Variants in TET3 observed in about 807,000 individuals in gnomAD.
TET3 encodes tet methylcytosine dioxygenase 3.
A neutral mutation model predicts 141.4 loss-of-function variants in TET3; 19 were observed. The observed-to-expected ratio is 0.13, with a 90% CI of 0.09 to 0.20. The LOEUF is 0.20. Among genes scored for constraint, TET3 ranks in the 10% least tolerant of loss-of-function variants. The pLI is 1.00. For synonymous variants in TET3, 1,043 were observed against 980.9 expected, an observed-to-expected ratio of 1.06 and a Z score of -1.18; for missense variants, 1,874 against 2,356.9, an observed-to-expected ratio of 0.80 and a Z score of 4.24.
chr2:73,996,176 G>T (rs914759157), intron 2 of TET3, among the ~76,000 whole-genome samples: 1 of 152,164 alleles, frequency 6.6e-6, no homozygotes, highest in African/African-American at 2.4e-5. Context: ...TGACTGGGCG[G>T]GCCGGAAGAC....
rs780701277 is a variant in TET3, at chr2:74,046,477, G to T, written c.560G>T (p.Gly187Val). 1.9e-6 allele frequency: 3 copies of T among 1,613,336 alleles called. No individual in the cohort carries two copies. The Admixed American group carries it at 5.0e-5, about 27-fold the overall frequency. The change falls in exon 4 of 12, where the codon GGC becomes GTC. Residue 187 changes from glycine to valine, a missense_variant. This residue lies in a region of TET3 where 366 missense variants were observed against 487.0 expected (regional missense o/e 0.75). Coordinates refer to ENST00000409262, the MANE Select transcript of TET3 (RefSeq NM_001287491.2). This position sits in a 1 kb window ranked among gnomAD's most constrained non-coding sequence, Gnocchi z 4.3. ...AAGCCCGACTGGGAGGCTGCCCCAG[G>T]CCCAGCTCATACTGCTCGCCTGGAA... ...DQKPDWEAAP[G>V]PAHTARLEDA...
intron 4 of TET3, among the ~76,000 whole-genome samples, chr2:74,066,821 C>G (rs1030970203): frequency 5.9e-5 from 9 of 152,106 alleles, no homozygotes; most frequent in Non-Finnish European, 2.9e-5. Flanking sequence ...TTGAAAATTT[C>G]CTTTCTCTGT....
At chr2:74,114,369 G>T in the TET3 span, among the ~76,000 whole-genome samples, 517 of 152,064 alleles carry the variant, frequency 3.4e-3, no homozygotes, top group African/African-American at 0.012. Flanking sequence ...ACACAGCTTG[G>T]GTGATAGGTG....
chr2:74,036,650 A>T (rs1687077477), intron 3 of TET3, among the ~76,000 whole-genome samples: 1 of 152,132 alleles, frequency 6.6e-6, no homozygotes, highest in African/African-American at 2.4e-5. Context: ...TCTGATCTCC[A>T]CCTTGGAGGA....
downstream of TET3, among the ~76,000 whole-genome samples, chr2:74,110,355 A>G (rs1691671877): frequency 6.6e-6 from 1 of 152,182 alleles, no homozygotes; most frequent in Non-Finnish European, 1.5e-5. Context: ...CTTGGTCAGC[A>G]ACTTTGTTGT....
At chr2:74,115,704 G>A in the TET3 span, among the ~76,000 whole-genome samples, 1 of 152,022 alleles carries the variant, frequency 6.6e-6, no homozygotes, top group Non-Finnish European at 1.5e-5. Flanking sequence ...AAAATAAATA[G>A]ATAAGCAAAC....
chr2:74,132,128 C>T, the TET3 span, among the ~76,000 whole-genome samples: 2 of 152,144 alleles, frequency 1.3e-5, no homozygotes, highest in Non-Finnish European at 2.9e-5. Flanking sequence ...CCCAGCCCTT[C>T]TTTGAAGAAT....
At chr2:74,017,587 A>G (rs1320898827) in intron 3 of TET3, among the ~76,000 whole-genome samples, 4 of 151,996 alleles carry the variant, frequency 2.6e-5, no homozygotes. Flanking sequence ...TTGTTTTTTT[A>G]ATTGCTAACT....
Position 74,007,110 on chromosome 2 carries a change from A to G in TET3, c.360+3944A>G, listed in dbSNP as rs1685192187. 2.0e-5 allele frequency among the ~76,000 whole-genome samples: 3 copies of G among 152,230 alleles called. No individual in the cohort carries two copies. In the South Asian group the frequency reaches 6.2e-4, roughly 31 times the overall value. On this transcript the variant is annotated intron_variant, in intron 3 of 11. Transcript: ENST00000409262. ...TTCTCACAAAACCATTGGAAGTAAG[A>G]GACATTGACTAAACTATTACCTGAA...
intron 3 of TET3, among the ~76,000 whole-genome samples, chr2:74,028,285 G>A (rs1177518475): frequency 6.8e-6 from 1 of 147,792 alleles, no homozygotes; most frequent in Non-Finnish European, 1.5e-5. Flanking sequence ...ATGCCTAGCC[G>A]TTTTTTTTTT....
intron 3 of TET3, among the ~76,000 whole-genome samples, chr2:74,019,071 AC>A (rs1004570769): frequency 1.3e-5 from 2 of 151,550 alleles, no homozygotes; most frequent in African/African-American, 2.4e-5. Flanking sequence ...ACATAGTGAG[AC>A]CCCCCGCCAA....
chr2:74,116,829 C>G, the TET3 span, among the ~76,000 whole-genome samples: 2 of 152,080 alleles, frequency 1.3e-5, no homozygotes, highest in African/African-American at 4.8e-5. Context: ...GTAATCCCAG[C>G]ACTTTGGGTG....
rs1453548048 is a variant in TET3, at chr2:74,100,900, A to G, written c.4112A>G (p.Lys1371Arg). 2.5e-6 allele frequency: 4 copies of G among 1,609,836 alleles called. No individual in the cohort carries two copies. In the Admixed American group the frequency reaches 6.7e-5, roughly 27 times the overall value. Residue 1371 changes from lysine (K) to arginine (R), a missense_variant, in exon 12 of 12, where the codon AAG (lysine) becomes AGG (arginine). Physicochemically the swap from Lys to Arg is conservative, Grantham distance 26. Coordinates refer to ENST00000409262, the MANE Select transcript of TET3 (RefSeq NM_001287491.2). Reference sequence around the variant, plus strand: ...GGCCCCAAGGAGTATCTGCTTCCCAAGGCCCCCCTACTCCACTCAGTGTCC... The same window carrying G: ...GGCCCCAAGGAGTATCTGCTTCCCAGGGCCCCCCTACTCCACTCAGTGTCC... ...YPGPKEYLLPKAPLLHSVSRD... is the reference protein window; with the variant it reads ...YPGPKEYLLPRAPLLHSVSRD...
At chr2:74,052,886 C>A (rs944673078) in intron 4 of TET3, among the ~76,000 whole-genome samples, 106 of 152,028 alleles carry the variant, frequency 7.0e-4, no homozygotes, top group East Asian at 1.2e-3. Context: ...CAAAACAAAA[C>A]AAAAAAACCC....
At chr2:74,124,796 G>T in the TET3 span, among the ~76,000 whole-genome samples, 4 of 152,106 alleles carry the variant, frequency 2.6e-5, no homozygotes, top group African/African-American at 9.6e-5. Context: ...GCGGAAGGCC[G>T]CAGGGTCCTC....
chr2:74,008,936 T>TC (rs751333808), intron 3 of TET3, among the ~76,000 whole-genome samples: 42 of 152,246 alleles, frequency 2.8e-4, no homozygotes, highest in Admixed American at 1.4e-3. Flanking sequence ...CAGGCATTTT[T>TC]CCCCCGTGTA....
At chr2:74,083,766 A>G (rs531337899) in intron 6 of TET3, among the ~76,000 whole-genome samples, 19 of 152,112 alleles carry the variant, frequency 1.2e-4, no homozygotes, top group Non-Finnish European at 2.8e-4. Flanking sequence ...GTCTAATGAC[A>G]TTGCGTGTTT....
chr2:74,016,739 C>CAA (rs67430974), intron 3 of TET3, among the ~76,000 whole-genome samples: 1 of 146,848 alleles, frequency 6.8e-6, no homozygotes, highest in East Asian at 2.0e-4. Context: ...AACAAACAAA[C>CAA]AAAAAAATAA....
chr2:74,110,274 T>C (rs1333595031), downstream of TET3, among the ~76,000 whole-genome samples: 1 of 152,182 alleles, frequency 6.6e-6, no homozygotes. Context: ...ATGAACTGTT[T>C]AACCCACTCT....
Sources: allele counts gnomAD v4.1 joint callset (sites outside exome capture counted in the v4.1 genomes callset), GRCh38; gene constraint gnomAD v4.1.1; regional missense constraint gnomAD v4.1.1; non-coding constraint Gnocchi (gnomAD v3.1); transcripts MANE v1.5; gene names NCBI Gene and HGNC (gene_info 2026-07-23, HGNC 2026-07-21).